PPP3CA: variants seen among roughly 807,000 people sequenced by gnomAD.
PPP3CA encodes CAM-PRP catalytic subunit.
In PPP3CA, 14 loss-of-function variants were observed where a neutral mutation model predicts 66.5. That is an observed-to-expected ratio of 0.21 (90% CI 0.14 to 0.33). The LOEUF (loss-of-function observed/expected upper bound fraction) is 0.33, where lower values mean the gene tolerates loss of function less well. Among genes scored for constraint, PPP3CA ranks in the 10% least tolerant of loss-of-function variants. The pLI is 1.00. For synonymous variants in PPP3CA, 232 were observed against 226.2 expected (o/e 1.03, Z -0.23); for missense variants, 317 against 639.5 (o/e 0.50, Z 5.44).
chr4:101,184,905 G>A (rs186663352), intron 2 of PPP3CA, among the ~76,000 whole-genome samples: 16 of 152,208 alleles, frequency 1.1e-4, no homozygotes, highest in African/African-American at 3.1e-4. Flanking sequence ...GCACACTGCC[G>A]CATCAAGCAG....
chr4:101,173,321 T>A (rs998679637), intron 2 of PPP3CA, among the ~76,000 whole-genome samples: 5 of 152,064 alleles, frequency 3.3e-5, no homozygotes, highest in African/African-American at 1.2e-4. Flanking sequence ...AGAGAGGCTG[T>A]GCTTGGATGT....
chr4:101,162,341 G>A (rs967879972), intron 2 of PPP3CA, among the ~76,000 whole-genome samples: 1 of 151,896 alleles, frequency 6.6e-6, no homozygotes, highest in East Asian at 1.9e-4. Context: ...GACCAGCCTG[G>A]CCAAGATGGT....
intron 3 of PPP3CA, among the ~76,000 whole-genome samples, chr4:101,106,450 A>AAAGAAAGAAAGAAAGAAGAG (rs751759518): frequency 4.5e-4 from 5 of 11,094 alleles, no homozygotes; most frequent in South Asian, 4.6e-3. Context: ...AGAAAGAAAG[A>AAAGAAAGAAAGAAAGAAGAG]AAGAGAAAAG....
At chr4:101,199,825 C>T (rs572819174) in intron 1 of PPP3CA, among the ~76,000 whole-genome samples, 8 of 152,244 alleles carry the variant, frequency 5.3e-5, no homozygotes, top group African/African-American at 1.2e-4. Flanking sequence ...CTATCTGATA[C>T]GGAGAAAGGT....
At chr4:101,277,692 A>G (rs1727546629) in intron 1 of PPP3CA, among the ~76,000 whole-genome samples, 1 of 152,222 alleles carries the variant, frequency 6.6e-6, no homozygotes, top group Admixed American at 6.5e-5. Flanking sequence ...ATAAATGTGC[A>G]TTGGCTTTTA....
At chr4:101,236,732 T>G (rs917498810) in intron 1 of PPP3CA, among the ~76,000 whole-genome samples, 2 of 151,936 alleles carry the variant, frequency 1.3e-5, no homozygotes, top group Non-Finnish European at 2.9e-5. Context: ...CTCATTGTTT[T>G]AAATAAACAT....
intron 2 of PPP3CA, among the ~76,000 whole-genome samples, chr4:101,195,335 T>G (rs1724754590): frequency 6.6e-6 from 1 of 152,054 alleles, no homozygotes; most frequent in Admixed American, 6.6e-5. Flanking sequence ...AAATGTGTCC[T>G]TCTTCCGAAA....
intron 1 of PPP3CA, among the ~76,000 whole-genome samples, chr4:101,208,335 T>C (rs571955539): frequency 6.6e-6 from 1 of 152,340 alleles, no homozygotes; most frequent in African/African-American, 2.4e-5. Context: ...ACTCCATTTA[T>C]TCAGAGCTTT....
intron 10 of PPP3CA, among the ~76,000 whole-genome samples, chr4:101,060,072 G>C (rs1728395491): frequency 6.6e-6 from 1 of 152,070 alleles, no homozygotes; most frequent in Non-Finnish European, 1.5e-5. Context: ...AGAACCCTCA[G>C]ATACGGAGGG....
chr4:101,040,184 C>T (rs904790260), intron 11 of PPP3CA, among the ~76,000 whole-genome samples: 1 of 152,112 alleles, frequency 6.6e-6, no homozygotes, highest in Non-Finnish European at 1.5e-5. Flanking sequence ...TTTCCTGTTT[C>T]CTAAGATATT....
Position 101,347,058 on chromosome 4 carries a change from GTTAT to G in PPP3CA, c.-266_-263del, listed in dbSNP as rs1296290423. On this transcript the variant is annotated 5_prime_UTR_variant, in exon 1 of 14. Transcript: ENST00000394854. ...CGCTCCGGGCTGCGCGTGTGTGGTG[GTTAT>G]TTATTTATTTTCTGAGCACGCCTCC... is the stretch of plus-strand genomic sequence containing the variant. The G allele has an allele frequency of 1.6e-5, 9 of 567,312 alleles. No individual in the cohort carries two copies. The highest frequency in any genetic ancestry group is 9.7e-5 in the East Asian group (3 of 31,072). The allele number at this position is 567,312 out of a possible 1,614,324, so 35.1% of individuals were successfully genotyped here.
rs1319775761 is a variant in PPP3CA at position 101,023,732 on chromosome 4, T to C, written c.*2133A>G. ...TCTTTGCCAGACTGTATCGAGAACA[T>C]CTTTGTTTGGGTATGCTATATCGCT... On this transcript the variant is annotated 3_prime_UTR_variant, in exon 14 of 14. Transcript: ENST00000394854. 2.6e-5 allele frequency: 4 copies of C among 152,652 alleles called. No homozygotes were observed. The highest frequency in any genetic ancestry group is 7.2e-5 in the African/African-American group (3 of 41,464). The allele number at this position is 152,652 out of a possible 1,614,324, so 9.5% of individuals were successfully genotyped here. A position where few individuals can be genotyped will look rare whatever the true frequency, so the allele number is the denominator to read the frequency against.
chr4:101,073,372 G>T (rs919333467), intron 8 of PPP3CA, among the ~76,000 whole-genome samples: 12 of 151,550 alleles, frequency 7.9e-5, no homozygotes, highest in Non-Finnish European at 1.5e-4. Flanking sequence ...GGCCTCCCGG[G>T]TTCAAGCGAT....
intron 1 of PPP3CA, among the ~76,000 whole-genome samples, chr4:101,245,929 T>C (rs548669867): frequency 6.8e-4 from 103 of 152,192 alleles, no homozygotes; most frequent in African/African-American, 2.4e-3. Flanking sequence ...AATTCCCTTC[T>C]CCTTCCTATT....
chr4:101,170,238 T>C (rs904827991), intron 2 of PPP3CA, among the ~76,000 whole-genome samples: 4 of 150,732 alleles, frequency 2.7e-5, no homozygotes, highest in Non-Finnish European at 5.9e-5. Context: ...CAAGACATTT[T>C]TTCCCACAAT....
At chr4:101,095,104 A>C (rs564459534) in intron 5 of PPP3CA, among the ~76,000 whole-genome samples, 4 of 152,174 alleles carry the variant, frequency 2.6e-5, no homozygotes. Context: ...ACTTCAATAA[A>C]ACAAGACTAC....
intron 2 of PPP3CA, among the ~76,000 whole-genome samples, chr4:101,140,144 G>A (rs1722758015): frequency 1.3e-5 from 2 of 152,066 alleles, no homozygotes; most frequent in Non-Finnish European, 2.9e-5. Context: ...TTTTTAAAAG[G>A]TAATTCATAA....
intron 6 of PPP3CA, among the ~76,000 whole-genome samples, chr4:101,084,928 C>T (rs535909863): frequency 4.6e-5 from 7 of 152,184 alleles, no homozygotes; most frequent in African/African-American, 1.7e-4. Context: ...ACATGCCCAT[C>T]TGGTACCCAG....
intron 2 of PPP3CA, among the ~76,000 whole-genome samples, chr4:101,119,251 C>T (rs1416617060): frequency 6.6e-6 from 1 of 151,920 alleles, no homozygotes; most frequent in African/African-American, 2.4e-5. Flanking sequence ...ATCAAATAGA[C>T]TAGGTCTCAT....
Sources: gnomAD v4.1 joint callset for allele counts (sites outside exome capture counted in the v4.1 genomes callset) on GRCh38, gnomAD v4.1.1 for gene constraint, MANE v1.5 for transcripts, NCBI Gene and HGNC (gene_info 2026-07-23, HGNC 2026-07-21) for gene names.